The following ZMYM3 variants were observed in gnomAD, a reference collection of about 807,000 sequenced individuals.
The protein encoded by ZMYM3 is zinc finger MYM-type protein 3.
In ZMYM3, 6 loss-of-function variants were observed where a neutral mutation model predicts 94.2. The observed-to-expected ratio is 0.06, with a 90% CI of 0.03 to 0.13. The LOEUF is 0.13. Ranked by LOEUF, ZMYM3 falls within the 10% of genes least tolerant of loss-of-function variation. The probability of loss-of-function intolerance (pLI) is 1.00; values close to 1 mark genes in which losing one functional copy is unlikely to be tolerated. For synonymous variants in ZMYM3, 420 were observed against 426.5 expected (o/e 0.98, Z 0.19); for missense variants, 664 against 1,132.6 (o/e 0.59, Z 5.94).
rs372497020 is a variant in ZMYM3 at position 71,250,449 on chromosome X, G to T, written c.1056C>A (p.Thr352=). ...TFSKKPSGKK[T]CTFCKKEIWN... is the part of the protein sequence containing the mutation. ...TCACGCACTTCTTGCAGAAGGTACAGGTCTTTTTGCCCGAGGGCTTCTTGG... is the reference window on the plus strand; with the variant it reads ...TCACGCACTTCTTGCAGAAGGTACATGTCTTTTTGCCCGAGGGCTTCTTGG... Residue 352 remains threonine, a synonymous_variant, in exon 5 of 25, where the codon ACC becomes ACA. Coordinates refer to ENST00000314425, the MANE Select transcript of ZMYM3 (RefSeq NM_201599.3). 17 of 1,208,588 alleles carry T rather than the reference G, an allele frequency of 1.4e-5. No homozygotes were observed. In the Admixed American group the frequency reaches 2.0e-4, roughly 14 times the overall value.
In ZMYM3 at chrX:71,248,754, A is replaced by G. The variant is rs1026561578; in HGVS notation, c.1669T>C (p.Cys557Arg). ...GTGCGGTCAACCTTGTTGTAGTAACAGGGGTCAGAGAGGCTGCGGCGGCAG... is the reference window on the plus strand; with the variant it reads ...GTGCGGTCAACCTTGTTGTAGTAACGGGGGTCAGAGAGGCTGCGGCGGCAG... Reference protein sequence around the residue: ...SFCRRSLSDPCYYNKVDRTVY... With the variant: ...SFCRRSLSDPRYYNKVDRTVY... The change falls in exon 9 of 25, where the codon TGT (cysteine) becomes CGT (arginine). Residue 557 changes from cysteine (C) to arginine (R), a missense_variant. By Grantham distance (180) the Cys-to-Arg change is radical. Coordinates refer to ENST00000314425, the MANE Select transcript of ZMYM3 (RefSeq NM_201599.3). 3 of 1,208,559 alleles carry G rather than the reference A, an allele frequency of 2.5e-6. No individual in the cohort carries two copies. The highest frequency in any genetic ancestry group is 3.4e-6 in the Non-Finnish European group (3 of 894,070).
rs144777727 is a variant in ZMYM3, at chrX:71,247,248, G to A, written c.2314+97C>T. 2.3e-3 allele frequency: 2,012 copies of A among 880,694 alleles called. 24 individuals are homozygous for A. The African/African-American group carries it at 0.036, about 16-fold the overall frequency. The allele number at this position is 880,694 out of a possible 1,213,427, so 72.6% of individuals were successfully genotyped here. ...GTACTAGCACCCTATCTGGCCAGGG[G>A]TGAGCTGAACGCAAGAGGAAGGAGA... On this transcript the variant is annotated intron_variant, in intron 13 of 24. Coordinates refer to ENST00000314425, the MANE Select transcript of ZMYM3 (RefSeq NM_201599.3).
chrX:71,245,900 TG>T, intron 16 of ZMYM3, 58 bp from the exon 17 acceptor site: 1 of 1,158,967 alleles, frequency 8.6e-7, no homozygotes, highest in Non-Finnish European at 1.2e-6. Flanking sequence ...GGGGGGAAGT[TG>T]GGGGGACAGA....
Position 71,246,452 on chromosome X carries a change from CTGGGGGTGG to C in ZMYM3, c.2464_2472del (p.Pro822_Pro824del), listed in dbSNP as rs2030177615. ...GCAGCCTTGTTTTTGCGGGGTGTTG[CTGGGGGTGG>C]TGGGGGTGGAGGGGTGGGAGCAGTG... On this transcript the variant is annotated inframe_deletion, in exon 15 of 25. Transcript: ENST00000314425. The C allele has an allele frequency of 5.2e-5, 9 of 172,611 alleles. No homozygotes were observed. The highest frequency in any genetic ancestry group is 2.2e-4 in the East Asian group (1 of 4,497). 14.2% of individuals were successfully genotyped at this position (172,611 alleles called of 1,213,427 possible). A position where few individuals can be genotyped will look rare whatever the true frequency, so the allele number is the denominator to read the frequency against.
chrX:71,251,039 C>T, intron 4 of ZMYM3, 139 bp downstream of exon 4: 1 of 649,025 alleles, frequency 1.5e-6, no homozygotes, highest in Non-Finnish European at 2.4e-6. Flanking sequence ...CCATGCCAAC[C>T]CATAGCAGAG....
intron 1 of ZMYM3, 34 bp from the exon 2 acceptor site, chrX:71,253,308 G>T (rs1042836450): frequency 1.9e-6 from 2 of 1,063,167 alleles, no homozygotes; most frequent in Admixed American, 3.5e-5. Context: ...GGGCAGTAGA[G>T]GTGGTCTTAG....
In ZMYM3 at chrX:71,250,207, G is replaced by A. The variant is rs780483713; in HGVS notation, c.1074-4C>T. On this transcript the variant is annotated splice_polypyrimidine_tract_variant and splice_region_variant and intron_variant, in intron 5 of 24. Transcript: ENST00000314425. ...GTCCTTGGTGTTCCAGATCTCCCTA[G>A]AGGTGGGAACAGGTTTGAATATTCA... 1.7e-6 allele frequency: 2 copies of A among 1,165,827 alleles called. No individual in the cohort carries two copies. Among genetic ancestry groups the A allele is most frequent in the East Asian group, 6.0e-5 (2 of 33,243 alleles).
At chrX:71,255,088 C>A (rs1230807697), upstream of ZMYM3, 6 of 11,761 alleles carry the variant, frequency 5.1e-4, no homozygotes, top group Admixed American at 1.1e-3. Flanking sequence ...GGGCTGATCT[C>A]TCTCTCTCTC....
intron 22 of ZMYM3, 21 bp downstream of exon 22, chrX:71,242,949 T>G: frequency 8.5e-7 from 1 of 1,179,597 alleles, no homozygotes; most frequent in Non-Finnish European, 1.2e-6. Context: ...GGGTAGGGGT[T>G]GCTACGTCCC....
At chrX:71,242,498 G>A (rs2029990054) in intron 22 of ZMYM3, 74 bp from the exon 23 acceptor site, 2 of 1,142,626 alleles carry the variant, frequency 1.8e-6, no homozygotes, top group Non-Finnish European at 2.4e-6. Context: ...CATCCCATGT[G>A]CCCTGCTCAT....
Position 71,245,789 on chromosome X carries a change from T to C in ZMYM3, c.2739A>G (p.Val913=), listed in dbSNP as rs369706959. 8.3e-7 allele frequency: 1 copy of C among 1,209,427 alleles called. No individual in the cohort carries two copies. Among genetic ancestry groups the C allele is most frequent in the African/African-American group, 1.8e-5 (1 of 56,889 alleles). The change falls in exon 17 of 25, where the codon GTA becomes GTG. Residue 913 remains valine, a synonymous_variant. Transcript: ENST00000314425. ...TCACCTTCAGCTCCTCAATGGTCTC[T>C]ACAATCTTGTCTGTGCTCTCCAAGG... ...PTTLESTDKI[V]ETIEELKVKI...
intron 21 of ZMYM3, 145 bp from the exon 22 acceptor site, chrX:71,243,229 TC>T: frequency 2.1e-6 from 1 of 487,117 alleles, no homozygotes; most frequent in Non-Finnish European, 3.5e-6. Flanking sequence ...TCGAGTGCTT[TC>T]CCCCAGGTAT....
intron 12 of ZMYM3, 87 bp from the exon 13 acceptor site, chrX:71,247,597 C>T: frequency 2.6e-6 from 3 of 1,148,031 alleles, no homozygotes; most frequent in South Asian, 4.1e-5. Flanking sequence ...TGCTCCTCCC[C>T]TTGGAGATCG....
chrX:71,244,154 C>A, intron 20 of ZMYM3, 148 bp downstream of exon 20: 1 of 965,157 alleles, frequency 1.0e-6, no homozygotes, highest in Non-Finnish European at 1.4e-6. Flanking sequence ...TCTACAACTC[C>A]TCCCCATCTT....
Position 71,253,210 on chromosome X carries a change from G to T in ZMYM3, c.46C>A (p.Pro16Thr), listed in dbSNP as rs1276761120. 5.1e-6 allele frequency: 6 copies of T among 1,186,225 alleles called. No individual in the cohort carries two copies. The highest frequency in any genetic ancestry group is 5.7e-6 in the Non-Finnish European group (5 of 883,352). Residue 16 changes from proline (P) to threonine (T), a missense_variant, in exon 2 of 25, where the codon CCA becomes ACA. Around this residue, in one of 9 missense-constraint regions of ZMYM3, gnomAD observed 196 missense variants for 190.8 expected, o/e 1.03. Coordinates refer to ENST00000314425, the MANE Select transcript of ZMYM3 (RefSeq NM_201599.3). ...AGGTCTCCAGCCAGGGGCTTCTCTG[G>T]CAGGGTCAATGGGTCAAATGGACTG... Reference protein sequence around the residue: ...FPSPFDPLTLPEKPLAGDLPV... With the variant: ...FPSPFDPLTLTEKPLAGDLPV...
At chrX:71,250,840 C>T in intron 4 of ZMYM3, 114 bp from the exon 5 acceptor site, 1 of 771,619 alleles carries the variant, frequency 1.3e-6, no homozygotes, top group East Asian at 3.5e-5. Flanking sequence ...GCCTTTACAC[C>T]CTGGCCCTTG....
intron 21 of ZMYM3, chrX:71,243,504 G>C (rs895197702): frequency 1.7e-4 from 47 of 284,688 alleles, no homozygotes; most frequent in Non-Finnish European, 2.7e-4. Flanking sequence ...GATTTTAGAA[G>C]AGTATTGATA....
chrX:71,248,975 GAGA>G (rs762361673), intron 8 of ZMYM3, 41 bp downstream of exon 8: 2 of 1,206,036 alleles, frequency 1.7e-6, no homozygotes, highest in Non-Finnish European at 1.1e-6. Flanking sequence ...GGGAGGTAGA[GAGA>G]AGGCCAGCAG....
intron 13 of ZMYM3, 65 bp downstream of exon 13, chrX:71,247,280 C>T (rs2030221254): frequency 9.3e-7 from 1 of 1,069,860 alleles, no homozygotes; most frequent in Non-Finnish European, 1.3e-6. Context: ...GAGAAAGGGG[C>T]TAGGCTTAGG....
Sources: allele counts gnomAD v4.1 joint callset, GRCh38; gene constraint gnomAD v4.1.1; regional missense constraint gnomAD v4.1.1; transcripts MANE v1.5; gene names NCBI Gene and HGNC (gene_info 2026-07-23, HGNC 2026-07-21).